The following MGAT4B variants were observed in gnomAD, a reference collection of about 807,000 sequenced individuals.
MGAT4B encodes the protein alpha-1,3-mannosyl-glycoprotein 4-beta-N-acetylglucosaminyltransferase B.
Under a neutral mutation model 73.9 loss-of-function variants are expected in MGAT4B, and 38 were observed. The observed-to-expected ratio is 0.51, with a 90% CI of 0.40 to 0.67. The LOEUF (loss-of-function observed/expected upper bound fraction) is 0.67. Ranked by LOEUF, MGAT4B falls within the 30% of genes least tolerant of loss-of-function variation. MGAT4B has a pLI of 0.00. For missense variants in MGAT4B, 686 were observed against 735.2 expected (o/e 0.93, Z 0.77); for synonymous variants, 373 against 313.5 (o/e 1.19, Z -2.01).
At chr5:179,800,773 C>T (rs1433059871) in intron 5 of MGAT4B, 134 bp downstream of exon 5, 3 of 1,101,790 alleles carry the variant, frequency 2.7e-6, no homozygotes, top group Non-Finnish European at 4.0e-6. Context: ...TGCACACCCA[C>T]CCCTCCCCCA....
At position 179,798,398 on chromosome 5, in the gene MGAT4B, G is replaced by C. The variant is rs770087871; in HGVS notation, c.1459C>G (p.Arg487Gly). Residue 487 changes from arginine (R) to glycine (G), a missense_variant, in exon 13 of 15, where the codon CGC becomes GGC. Transcript: ENST00000292591. ...CGAGGGTACCGGAGGGTGGCGGTGCGGCCCTCCTGCAGGGCCTCCTTGTCT... is the reference window on the plus strand; with the variant it reads ...CGAGGGTACCGGAGGGTGGCGGTGCCGCCCTCCTGCAGGGCCTCCTTGTCT... ...QSDKEALQEG[R>G]TATLRYPRSP... The C allele has an allele frequency of 1.2e-6, 2 of 1,612,498 alleles. No individual in the cohort carries two copies. Among genetic ancestry groups the C allele is most frequent in the Non-Finnish European group, 1.7e-6 (2 of 1,179,898 alleles).
chr5:179,802,202 G>C (rs748347624), intron 1 of MGAT4B: 445 of 1,480,626 alleles, frequency 3.0e-4, no homozygotes, highest in Non-Finnish European at 3.6e-4. Flanking sequence ...TCCCCCACCG[G>C]GGGTTATTTT....
Position 179,806,527 on chromosome 5 carries a change from G to T in MGAT4B, c.57C>A (p.Phe19Leu). 1 of 1,339,998 alleles carries T rather than the reference G, an allele frequency of 7.5e-7. No individual in the cohort carries two copies. Among genetic ancestry groups the T allele is most frequent in the Non-Finnish European group, 9.8e-7 (1 of 1,020,466 alleles). 83.0% of individuals were successfully genotyped at this position (1,339,998 alleles called of 1,614,324 possible). Residue 19 changes from phenylalanine (F) to leucine (L), a missense_variant, in exon 1 of 15, where the codon TTC becomes TTA. Around this residue, in one of 2 missense-constraint regions of MGAT4B, gnomAD observed 237 missense variants for 198.5 expected, o/e 1.19. Transcript: ENST00000292591. This position sits in a 1 kb window ranked among gnomAD's most constrained non-coding sequence, Gnocchi z 4.6. ...GTGCCGCGTACCAGGACAGCGAGAG[G>T]AAGGCGCACAGGCAGAAGAGCAGCA... ...LTLLLFCLCAFLSLSWYAALS... is the reference protein window; with the variant it reads ...LTLLLFCLCALLSLSWYAALS...
chr5:179,797,655 G>A lies in MGAT4B; in HGVS notation c.*390C>T. 1 of 190,698 alleles carries A rather than the reference G, an allele frequency of 5.2e-6. No individual in the cohort carries two copies. Among genetic ancestry groups the A allele is most frequent in the Non-Finnish European group, 1.1e-5 (1 of 93,378 alleles). 11.8% of individuals were successfully genotyped at this position (190,698 alleles called of 1,614,324 possible). A position where few individuals can be genotyped will look rare whatever the true frequency, so the allele number is the denominator to read the frequency against. On this transcript the variant is annotated 3_prime_UTR_variant, in exon 15 of 15. Transcript: ENST00000292591. Reference sequence around the variant, plus strand: ...AAGTCACGCTCTTATAGAAGTATATGTGGACTTACGTGAAAAAATCAAATG... The same window carrying A: ...AAGTCACGCTCTTATAGAAGTATATATGGACTTACGTGAAAAAATCAAATG...
chr5:179,803,332 G>C (rs559243382), intron 1 of MGAT4B: 2 of 943,794 alleles, frequency 2.1e-6, no homozygotes, highest in Admixed American at 6.2e-5. Context: ...GGCTCTGCCA[G>C]GCTCCACGCT....
rs1161746933 is a variant in MGAT4B, at chr5:179,806,573, C to T, written c.11G>A (p.Arg4His). Residue 4 changes from arginine to histidine, a missense_variant, in exon 1 of 15, where the codon CGC becomes CAC. Coordinates refer to ENST00000292591, the MANE Select transcript of MGAT4B (RefSeq NM_014275.5). The surrounding 1 kb of genome is among the most constrained non-coding windows in gnomAD (Gnocchi z 4.6). MRL[R>H]NGTFLTLLLF... ...CAGCAGCGTCAGGAAGGTGCCATTG[C>T]GGAGCCTCATCTCCTCGGGTGCGCG... The T allele has an allele frequency of 7.8e-7, 1 of 1,289,094 alleles. No homozygotes were observed. Among genetic ancestry groups the T allele is most frequent in the South Asian group, 1.5e-5 (1 of 65,518 alleles). The allele number at this position is 1,289,094 out of a possible 1,614,324, so 79.9% of individuals were successfully genotyped here.
At chr5:179,805,742 C>T (rs970825347) in intron 1 of MGAT4B, among the ~76,000 whole-genome samples, 3 of 152,238 alleles carry the variant, frequency 2.0e-5, no homozygotes, top group African/African-American at 7.2e-5. Flanking sequence ...AGGCCACTCT[C>T]CCGGAACCTC....
At chr5:179,804,128 G>A (rs1474590086) in intron 1 of MGAT4B, among the ~76,000 whole-genome samples, 1 of 152,246 alleles carries the variant, frequency 6.6e-6, no homozygotes, top group Non-Finnish European at 1.5e-5. Context: ...AGGACATCCT[G>A]GGGCCCACAA....
In MGAT4B at chr5:179,799,488, C is replaced by T. The variant is rs112644853; in HGVS notation, c.1041+18G>A. ...CCCCTTGGCCCTGCCCCTGCCAGTC[C>T]CGCCAGCTCTTGCTCACCGCATCCT... On this transcript the variant is annotated intron_variant, in intron 9 of 14. Coordinates refer to ENST00000292591, the MANE Select transcript of MGAT4B (RefSeq NM_014275.5). 58 of 1,613,564 alleles carry T rather than the reference C, an allele frequency of 3.6e-5. No individual in the cohort carries two copies. In the African/African-American group the frequency reaches 4.5e-4, roughly 13 times the overall value.
intron 13 of MGAT4B, 22 bp from the exon 14 acceptor site, chr5:179,798,299 A>C: frequency 1.2e-6 from 2 of 1,612,700 alleles, no homozygotes; most frequent in East Asian, 2.2e-5. Context: ...CAGTGGTGAG[A>C]GGGTGTCCCT....
chr5:179,806,087 G>A lies in MGAT4B; in HGVS notation c.97+400C>T, dbSNP rs1036687297. The A allele has an allele frequency of 2.6e-5, 4 of 151,896 alleles. No individual in the cohort carries two copies. Among genetic ancestry groups the A allele is most frequent in the African/African-American group, 4.8e-5 (2 of 41,388 alleles). 9.4% of individuals were successfully genotyped at this position (151,896 alleles called of 1,614,324 possible). On this transcript the variant is annotated intron_variant, in intron 1 of 14. Coordinates refer to ENST00000292591, the MANE Select transcript of MGAT4B (RefSeq NM_014275.5). This position sits in a 1 kb window ranked among gnomAD's most constrained non-coding sequence, Gnocchi z 4.6. ...ACGCCGGGGTCGCCCAGGCCGGCGC[G>A]GGGCAGCAGGCAGCAGGGTGGGGGG...
chr5:179,800,470 G>A lies in MGAT4B; in HGVS notation c.719+14C>T, dbSNP rs993771358. ...GCAGGCGGGTTGCTGAGGGTATGGG[G>A]GAGTAACTAGTACCTGACTCTCTCC... On this transcript the variant is annotated intron_variant, in intron 6 of 14. Coordinates refer to ENST00000292591, the MANE Select transcript of MGAT4B (RefSeq NM_014275.5). 2 of 1,562,716 alleles carry A rather than the reference G, an allele frequency of 1.3e-6. No homozygotes were observed. Among genetic ancestry groups the A allele is most frequent in the African/African-American group, 1.4e-5 (1 of 73,956 alleles).
At chr5:179,802,058 C>T in intron 1 of MGAT4B, 89 bp from the exon 2 acceptor site, 3 of 1,604,336 alleles carry the variant, frequency 1.9e-6, no homozygotes, top group Non-Finnish European at 2.6e-6. Context: ...ATCTGGGTGT[C>T]CACCTCTGCA....
In MGAT4B at chr5:179,801,034, T is replaced by C. The variant is rs1186899939; in HGVS notation, c.559-81A>G. The C allele has an allele frequency of 1.3e-6, 2 of 1,519,656 alleles. No individual in the cohort carries two copies. The highest frequency in any genetic ancestry group is 1.8e-6 in the Non-Finnish European group (2 of 1,098,630). The allele number at this position is 1,519,656 out of a possible 1,614,324, so 94.1% of individuals were successfully genotyped here. A position where few individuals can be genotyped will look rare whatever the true frequency, so the allele number is the denominator to read the frequency against. ...AAGGGCTTGGAGAAGGGGCACAGGC[T>C]TCAGATGCCCCCCACGTGGAGGGAG... On this transcript the variant is annotated intron_variant, in intron 4 of 14. Coordinates refer to ENST00000292591, the MANE Select transcript of MGAT4B (RefSeq NM_014275.5). The surrounding 1 kb of genome is among the most constrained non-coding windows in gnomAD (Gnocchi z 4.8).
intron 6 of MGAT4B, 110 bp from the exon 7 acceptor site, chr5:179,800,369 T>C: frequency 2.7e-6 from 4 of 1,458,642 alleles, no homozygotes; most frequent in Non-Finnish European, 3.8e-6. Context: ...CATGCACGGG[T>C]CCTCCCATGG....
Position 179,799,509 on chromosome 5 carries a change from A to C in MGAT4B, c.1038T>G (p.Asp346Glu). The C allele has an allele frequency of 6.2e-7, 1 of 1,612,580 alleles. No individual in the cohort carries two copies. The highest frequency in any genetic ancestry group is 8.5e-7 in the Non-Finnish European group (1 of 1,179,652). Residue 346 changes from aspartate (D) to glutamate (E), a missense_variant, in exon 9 of 15, where the codon GAT becomes GAG. By Grantham distance (45) the Asp-to-Glu change is conservative. Around this residue, in one of 2 missense-constraint regions of MGAT4B, gnomAD observed 449 missense variants for 536.8 expected, o/e 0.84. Coordinates refer to ENST00000292591, the MANE Select transcript of MGAT4B (RefSeq NM_014275.5). ...AGTCCCGCCAGCTCTTGCTCACCGCATCCTTCTCGGGGTTGCAGACTTTCA... is the reference window on the plus strand; with the variant it reads ...AGTCCCGCCAGCTCTTGCTCACCGCCTCCTTCTCGGGGTTGCAGACTTTCA... ...LWVKVCNPEK[D>E]AKHCDRQKAN...
chr5:179,802,910 C>A, intron 1 of MGAT4B: 1 of 985,442 alleles, frequency 1.0e-6, no homozygotes, highest in Non-Finnish European at 1.2e-6. Flanking sequence ...GTTTCCAAGT[C>A]TCCAAGTTTA....
chr5:179,797,872 C>T lies in MGAT4B; in HGVS notation c.*173G>A, dbSNP rs1756716375. The T allele has an allele frequency of 3.3e-6, 3 of 912,054 alleles. No homozygotes were observed. Among genetic ancestry groups the T allele is most frequent in the Non-Finnish European group, 4.8e-6 (3 of 618,714 alleles). The allele number at this position is 912,054 out of a possible 1,614,324, so 56.5% of individuals were successfully genotyped here. On this transcript the variant is annotated 3_prime_UTR_variant, in exon 15 of 15. Transcript: ENST00000292591. Reference sequence around the variant, plus strand: ...TCCGCGGCCCGGCGGGCGGGGGCAGCACCAGCTCCTAGGGCCTCCGGGCCA... The same window carrying T: ...TCCGCGGCCCGGCGGGCGGGGGCAGTACCAGCTCCTAGGGCCTCCGGGCCA...
Position 179,806,481 on chromosome 5 carries a change from G to A in MGAT4B, c.97+6C>T. ...CAGGTGCGGGCCGGGCGGGGGTCGC[G>A]CTCACCTTTCTGGCCGCTGAGTGCC... On this transcript the variant is annotated splice_donor_region_variant and intron_variant, in intron 1 of 14. Transcript: ENST00000292591. The surrounding 1 kb of genome is among the most constrained non-coding windows in gnomAD (Gnocchi z 4.6). 7.8e-7 allele frequency: 1 copy of A among 1,288,994 alleles called. No individual in the cohort carries two copies. Among genetic ancestry groups the A allele is most frequent in the Non-Finnish European group, 1.0e-6 (1 of 992,078 alleles). 79.8% of individuals were successfully genotyped at this position (1,288,994 alleles called of 1,614,324 possible).
Sources: allele counts gnomAD v4.1 joint callset (sites outside exome capture counted in the v4.1 genomes callset), GRCh38; gene constraint gnomAD v4.1.1; regional missense constraint gnomAD v4.1.1; non-coding constraint Gnocchi (gnomAD v3.1); transcripts MANE v1.5; gene names NCBI Gene and HGNC (gene_info 2026-07-23, HGNC 2026-07-21).